The following MTHFD1L variants were observed in gnomAD, a reference collection of about 807,000 sequenced individuals.
The protein encoded by MTHFD1L is methylenetetrahydrofolate dehydrogenase (NADP+ dependent) 1 like, also known as monofunctional C1-tetrahydrofolate synthase, mitochondrial.
A neutral mutation model predicts 119.5 loss-of-function variants in MTHFD1L; 81 were observed. That is an observed-to-expected ratio of 0.68 (90% CI 0.57 to 0.82). The LOEUF (loss-of-function observed/expected upper bound fraction) is 0.82, where lower values mean the gene tolerates loss of function less well. Among genes scored for constraint, MTHFD1L ranks in the 40% least tolerant of loss-of-function variants. The pLI, the probability that MTHFD1L is intolerant of heterozygous loss-of-function variation, is 0.00. For missense variants in MTHFD1L, 1,125 were observed against 1,253.4 expected, an observed-to-expected ratio of 0.90 and a Z score of 1.55; for synonymous variants, 430 against 475.2, an observed-to-expected ratio of 0.90 and a Z score of 1.24.
At chr6:150,881,331 T>G (rs1044610101) in intron 4 of MTHFD1L, among the ~76,000 whole-genome samples, 6 of 152,214 alleles carry the variant, frequency 3.9e-5, no homozygotes, top group Non-Finnish European at 5.9e-5. Flanking sequence ...CAGTGCTATT[T>G]ATTGAAGAGG....
rs369709512 is a variant in MTHFD1L at position 151,023,023 on chromosome 6, T to G, written c.2586+7330T>G. Among the ~76,000 whole-genome samples, 20 of 151,118 alleles carry G rather than the reference T, an allele frequency of 1.3e-4. 1 individual carries two copies. The highest frequency in any genetic ancestry group is 6.8e-3 in the Middle Eastern group (2 of 294). On this transcript the variant is annotated intron_variant, in intron 24 of 27. Transcript: ENST00000367321. ...CCTGCTTTTTTTATGTTTTTTTGTT[T>G]GTTGGTTGGTTGGTTGGTTTTTGGG...
intron 26 of MTHFD1L, among the ~76,000 whole-genome samples, chr6:151,050,452 G>A (rs560529793): frequency 1.3e-5 from 2 of 152,308 alleles, no homozygotes; most frequent in African/African-American, 4.8e-5. Context: ...GTGAGCCACC[G>A]TGCCTGGCCT....
At chr6:151,098,018 A>G (rs1275495729) in intron 27 of MTHFD1L, among the ~76,000 whole-genome samples, 1 of 152,108 alleles carries the variant, frequency 6.6e-6, no homozygotes, top group Non-Finnish European at 1.5e-5. Context: ...TACTAAAAAT[A>G]GAAAAATTAG....
At chr6:151,068,304 G>A (rs941875917) in intron 26 of MTHFD1L, among the ~76,000 whole-genome samples, 15 of 152,252 alleles carry the variant, frequency 9.9e-5, no homozygotes, top group African/African-American at 4.8e-5. Flanking sequence ...GAAGCCTTTC[G>A]TCTGGTGACC....
At chr6:150,878,297 G>A (rs981805893) in intron 4 of MTHFD1L, among the ~76,000 whole-genome samples, 14 of 151,716 alleles carry the variant, frequency 9.2e-5, no homozygotes, top group Non-Finnish European at 4.4e-5. Flanking sequence ...TGTTGCCCAG[G>A]CTGGAGTGCA....
At chr6:150,939,382 CGTT>C (rs1397946887) in intron 13 of MTHFD1L, 1 of 152,390 alleles carries the variant, frequency 6.6e-6, no homozygotes, top group Non-Finnish European at 1.5e-5. Context: ...AAAGAACTGA[CGTT>C]GTTAATTCTC....
chr6:151,037,542 C>G (rs114806933), intron 26 of MTHFD1L, among the ~76,000 whole-genome samples: 1 of 152,098 alleles, frequency 6.6e-6, no homozygotes, highest in Non-Finnish European at 1.5e-5. Context: ...GAAAGCAGTC[C>G]TCACCCTCTC....
chr6:150,953,880 T>A (rs147978476), intron 16 of MTHFD1L, among the ~76,000 whole-genome samples: 7 of 152,344 alleles, frequency 4.6e-5, no homozygotes, highest in African/African-American at 9.6e-5. Flanking sequence ...GCACCCCATG[T>A]ACATCTTGGG....
intron 20 of MTHFD1L, among the ~76,000 whole-genome samples, chr6:150,978,677 T>G (rs1166545649): frequency 2.0e-5 from 3 of 152,244 alleles, no homozygotes; most frequent in Admixed American, 2.0e-4. Flanking sequence ...GAGCCATTCC[T>G]GAGCATTAGA....
intron 24 of MTHFD1L, chr6:151,021,881 A>G: frequency 2.7e-6 from 1 of 376,938 alleles, no homozygotes. Flanking sequence ...ATTCAGTCGG[A>G]ATATTGTTTG....
intron 26 of MTHFD1L, among the ~76,000 whole-genome samples, chr6:151,040,513 C>T (rs1446262448): frequency 4.0e-5 from 6 of 151,658 alleles, no homozygotes; most frequent in South Asian, 4.2e-4. Flanking sequence ...GAGTTTGAGA[C>T]GCCTGGGCAA....
intron 26 of MTHFD1L, among the ~76,000 whole-genome samples, chr6:151,062,404 C>T (rs1443306603): frequency 6.6e-6 from 1 of 152,162 alleles, no homozygotes; most frequent in Non-Finnish European, 1.5e-5. Context: ...CGCCACTGCA[C>T]TCCAGCCTGG....
At chr6:151,000,035 G>A (rs906396294) in intron 20 of MTHFD1L, among the ~76,000 whole-genome samples, 2 of 152,118 alleles carry the variant, frequency 1.3e-5, no homozygotes, top group Non-Finnish European at 2.9e-5. Context: ...AAGGGCATGT[G>A]CTAATATTAA....
At chr6:151,096,156 G>C (rs911382336) in intron 27 of MTHFD1L, among the ~76,000 whole-genome samples, 10 of 152,180 alleles carry the variant, frequency 6.6e-5, no homozygotes, top group African/African-American at 2.4e-4. Flanking sequence ...GGTACTTGAG[G>C]ATAATGAGGT....
rs1232431341 is a variant in MTHFD1L at position 151,012,185 on chromosome 6, GGA to G, written c.2266-1593_2266-1592del. Reference sequence around the variant, plus strand: ...GTAATTCTCAATTCCTTGAGTTTAGGGACTGTGTCTTATTAATTGGTATGGTC... The same window carrying G: ...GTAATTCTCAATTCCTTGAGTTTAGGCTGTGTCTTATTAATTGGTATGGTC... On this transcript the variant is annotated intron_variant, in intron 21 of 27. Coordinates refer to ENST00000367321, the MANE Select transcript of MTHFD1L (RefSeq NM_015440.5). Among the ~76,000 whole-genome samples the G allele has an allele frequency of 2.0e-5, 3 of 151,936 alleles. No individual in the cohort carries two copies. The East Asian group carries it at 5.8e-4, about 29-fold the overall frequency.
chr6:150,977,545 A>G (rs1776761225), intron 20 of MTHFD1L, among the ~76,000 whole-genome samples: 1 of 152,250 alleles, frequency 6.6e-6, no homozygotes, highest in Non-Finnish European at 1.5e-5. Flanking sequence ...CTAATCATGT[A>G]TTACATTTAA....
At chr6:150,930,169 T>TGAG (rs57677800) in intron 11 of MTHFD1L, among the ~76,000 whole-genome samples, 62,726 of 151,758 alleles carry the variant, frequency 0.41, 14,793 homozygotes, top group African/African-American at 0.65. Context: ...CTCTGGAGAC[T>TGAG]GTGGGTGGAT....
chr6:151,024,267 C>T (rs923835093), intron 24 of MTHFD1L, among the ~76,000 whole-genome samples: 7 of 152,152 alleles, frequency 4.6e-5, no homozygotes, highest in Non-Finnish European at 8.8e-5. Flanking sequence ...TGGCCAGGCG[C>T]GGCGGCTCAT....
At chr6:150,959,234 TTC>T (rs1006190023) in intron 17 of MTHFD1L, 1 of 979,730 alleles carries the variant, frequency 1.0e-6, no homozygotes, top group Admixed American at 6.1e-5. Flanking sequence ...TTTCCTTCCT[TTC>T]CTTACTTGTC....
Sources: allele counts gnomAD v4.1 joint callset (sites outside exome capture counted in the v4.1 genomes callset), GRCh38; gene constraint gnomAD v4.1.1; transcripts MANE v1.5; gene names NCBI Gene and HGNC (gene_info 2026-07-23, HGNC 2026-07-21).